Variants in SLC22A16 observed in about 807,000 individuals in gnomAD.
The protein encoded by SLC22A16 is WUGSC:RG331P03.1.
Under a neutral mutation model 52.9 loss-of-function variants are expected in SLC22A16, and 53 were observed. The observed-to-expected ratio is 1.00, with a 90% CI of 0.80 to 1.26. The LOEUF (loss-of-function observed/expected upper bound fraction) is 1.26, where lower values mean the gene tolerates loss of function less well. Among genes scored for constraint, SLC22A16 ranks in the 50% most tolerant of loss-of-function variants. The pLI is 0.00. For missense variants in SLC22A16, 726 were observed against 704.0 expected (o/e 1.03, Z -0.35); for synonymous variants, 291 against 268.8 (o/e 1.08, Z -0.81).
intron 3 of SLC22A16, among the ~76,000 whole-genome samples, chr6:110,443,992 G>A (rs1345210824): frequency 6.6e-6 from 1 of 152,126 alleles, no homozygotes; most frequent in Non-Finnish European, 1.5e-5. Flanking sequence ...TTATTCAATG[G>A]ACAGAGTTTC....
At chr6:110,445,632 T>C (rs1343303494) in intron 3 of SLC22A16, among the ~76,000 whole-genome samples, 1 of 152,202 alleles carries the variant, frequency 6.6e-6, no homozygotes, top group Non-Finnish European at 1.5e-5. Context: ...ATGTATTCTA[T>C]GGGTGTGGCC....
At chr6:110,456,338 G>T in intron 2 of SLC22A16, 200 bp downstream of exon 2, 1 of 693,254 alleles carries the variant, frequency 1.4e-6, no homozygotes, top group Non-Finnish European at 2.3e-6. Flanking sequence ...GGTAGAACCA[G>T]GATTTGGATC....
At chr6:110,476,329 G>T in intron 1 of SLC22A16, 193 bp downstream of exon 1, 3 of 1,375,814 alleles carry the variant, frequency 2.2e-6, no homozygotes, top group Non-Finnish European at 2.8e-6. Flanking sequence ...GCCAGGTCCC[G>T]CTGCCAGAGG....
rs745662950 is a variant in SLC22A16, at chr6:110,438,830, C to T, written c.1201G>A (p.Ala401Thr). Residue 401 changes from alanine (A) to threonine (T), a missense_variant, in exon 5 of 8, where the codon GCC becomes ACC. Transcript: ENST00000368919. ...ATGGCGATGCACACGAAGGTGTAGG[C>T]GGGAATTTCCACTACACCTGTCATT... is the stretch of plus-strand genomic sequence containing the variant. Reference protein sequence around the residue: ...LFLLGVVEIPAYTFVCIAMDK... With the variant: ...LFLLGVVEIPTYTFVCIAMDK... 28 of 1,613,892 alleles carry T rather than the reference C, an allele frequency of 1.7e-5. No homozygotes were observed. In the East Asian group the frequency reaches 2.5e-4, roughly 14 times the overall value.
intron 1 of SLC22A16, among the ~76,000 whole-genome samples, chr6:110,458,173 C>T (rs910873482): frequency 1.3e-5 from 2 of 152,164 alleles, no homozygotes; most frequent in East Asian, 1.9e-4. Context: ...CTCCCCGCCT[C>T]GGTTGCCAAA....
intron 1 of SLC22A16, among the ~76,000 whole-genome samples, chr6:110,463,746 T>C (rs1327027527): frequency 6.6e-6 from 1 of 151,856 alleles, no homozygotes; most frequent in Non-Finnish European, 1.5e-5. Flanking sequence ...GACAGATCAT[T>C]GAGCTTGATC....
chr6:110,450,192 G>A (rs912182665), intron 2 of SLC22A16, among the ~76,000 whole-genome samples: 4 of 117,862 alleles, frequency 3.4e-5, no homozygotes, highest in South Asian at 2.6e-4. Context: ...AAAAAAGGAG[G>A]GGGGGGCACA....
intron 3 of SLC22A16, among the ~76,000 whole-genome samples, chr6:110,443,521 T>C (rs1036546135): frequency 7.3e-5 from 11 of 151,510 alleles, no homozygotes; most frequent in African/African-American, 1.2e-4. Flanking sequence ...GTGTGGCTAA[T>C]TAAAAAAAAA....
chr6:110,427,110 T>TG (rs1235914315), intron 7 of SLC22A16, among the ~76,000 whole-genome samples: 1 of 138,776 alleles, frequency 7.2e-6, no homozygotes, highest in Non-Finnish European at 1.6e-5. Flanking sequence ...TAGCCAGGTG[T>TG]GGGGGCACAT....
chr6:110,474,547 G>A (rs1300121402), intron 1 of SLC22A16, among the ~76,000 whole-genome samples: 3 of 152,188 alleles, frequency 2.0e-5, no homozygotes, highest in Non-Finnish European at 4.4e-5. Flanking sequence ...CCACCAATAT[G>A]GGAACTCAGG....
intron 4 of SLC22A16, 120 bp downstream of exon 4, chr6:110,442,124 G>T: frequency 1.1e-6 from 1 of 912,366 alleles, no homozygotes. Flanking sequence ...TATTGTTCCT[G>T]GTTTTAAAGG....
chr6:110,445,520 AT>A (rs1190063103), intron 3 of SLC22A16, among the ~76,000 whole-genome samples: 2 of 152,182 alleles, frequency 1.3e-5, no homozygotes, highest in Non-Finnish European at 2.9e-5. Flanking sequence ...TGTTGAGTAA[AT>A]GAATCTGCCT....
intron 4 of SLC22A16, among the ~76,000 whole-genome samples, chr6:110,439,440 G>C (rs971373101): frequency 6.6e-6 from 1 of 152,134 alleles, no homozygotes; most frequent in South Asian, 2.1e-4. Context: ...AATTGTCATA[G>C]AGAATGAGTT....
chr6:110,472,174 T>C (rs189454866), intron 1 of SLC22A16, among the ~76,000 whole-genome samples: 3 of 152,192 alleles, frequency 2.0e-5, no homozygotes, highest in Admixed American at 1.3e-4. Flanking sequence ...AAACTAGAAA[T>C]CCAGGGCATG....
At chr6:110,473,104 T>G (rs1212977944) in intron 1 of SLC22A16, among the ~76,000 whole-genome samples, 1 of 152,124 alleles carries the variant, frequency 6.6e-6, no homozygotes. Context: ...GGGAATGAAA[T>G]GAGTTAACAC....
chr6:110,476,447 AC>A, intron 1 of SLC22A16, 74 bp downstream of exon 1: 1 of 1,425,470 alleles, frequency 7.0e-7, no homozygotes, highest in Non-Finnish European at 9.2e-7. Context: ...CCGCGCGAGA[AC>A]CCCGCCGCAA....
At chr6:110,450,856 G>GA (rs1192705357) in intron 2 of SLC22A16, among the ~76,000 whole-genome samples, 4 of 152,130 alleles carry the variant, frequency 2.6e-5, no homozygotes, top group African/African-American at 7.2e-5. Flanking sequence ...CCAGCCTCCT[G>GA]ATAGCTTCTT....
intron 1 of SLC22A16, among the ~76,000 whole-genome samples, chr6:110,461,133 A>T (rs974503005): frequency 2.0e-5 from 3 of 152,164 alleles, no homozygotes; most frequent in African/African-American, 7.2e-5. Context: ...CTTTCAGAAA[A>T]GGCAGGGCCC....
intron 2 of SLC22A16, among the ~76,000 whole-genome samples, chr6:110,447,946 C>A (rs1462191600): frequency 2.0e-5 from 3 of 152,160 alleles, no homozygotes; most frequent in Non-Finnish European, 4.4e-5. Context: ...ATGAATAATG[C>A]TGCTCTGAAC....
Sources: allele counts gnomAD v4.1 joint callset (sites outside exome capture counted in the v4.1 genomes callset), GRCh38; gene constraint gnomAD v4.1.1; transcripts MANE v1.5; gene names NCBI Gene and HGNC (gene_info 2026-07-23, HGNC 2026-07-21).